The following LRRIQ3 variants were observed in gnomAD, a reference collection of about 807,000 sequenced individuals.
LRRIQ3 encodes leucine-rich repeat and IQ domain-containing protein 3.
LRRIQ3 carries 75 observed loss-of-function variants against 59.3 expected under a neutral mutation model. The observed-to-expected ratio is 1.26, with a 90% CI of 1.05 to 1.53. The LOEUF (loss-of-function observed/expected upper bound fraction) is 1.53. Ranked by LOEUF, LRRIQ3 falls within the 40% of genes most tolerant of loss-of-function variation. LRRIQ3 has a pLI of 0.00. For missense variants in LRRIQ3, 831 were observed against 710.0 expected, an observed-to-expected ratio of 1.17 and a Z score of -1.94; for synonymous variants, 250 against 231.3, an observed-to-expected ratio of 1.08 and a Z score of -0.73.
At chr1:74,187,105 G>A (rs1212945236) in intron 1 of LRRIQ3, among the ~76,000 whole-genome samples, 1 of 152,016 alleles carries the variant, frequency 6.6e-6, no homozygotes, top group Non-Finnish European at 1.5e-5. Flanking sequence ...TAACCACTAT[G>A]GAAAACAGTA....
At chr1:74,082,671 T>C (rs1646286212) in intron 5 of LRRIQ3, 1 of 151,604 alleles carries the variant, frequency 6.6e-6, no homozygotes, top group Non-Finnish European at 1.5e-5. Context: ...TTAGAATTTA[T>C]GTGTTTTAAG....
intron 5 of LRRIQ3, among the ~76,000 whole-genome samples, chr1:74,076,376 A>G (rs976819168): frequency 6.6e-6 from 1 of 152,194 alleles, no homozygotes; most frequent in Non-Finnish European, 1.5e-5. Context: ...CAAAACAACC[A>G]TAAACTGAGC....
Position 74,160,828 on chromosome 1 carries a change from T to C in LRRIQ3, c.574-4962A>G, listed in dbSNP as rs370909351. ...TCTCTCCATGAAACCTATTCTGTAG[T>C]AATGGATCCTGTCACTTGTTCTATC... On this transcript the variant is annotated intron_variant, in intron 3 of 7. Coordinates refer to ENST00000354431, the MANE Select transcript of LRRIQ3 (RefSeq NM_001105659.2). Among the ~76,000 whole-genome samples, 5 of 152,216 alleles carry C rather than the reference T, an allele frequency of 3.3e-5. No homozygotes were observed. The East Asian group carries it at 9.7e-4, about 29-fold the overall frequency.
chr1:74,140,984 C>T (rs1647230529), intron 4 of LRRIQ3, among the ~76,000 whole-genome samples: 3 of 151,754 alleles, frequency 2.0e-5, no homozygotes, highest in Admixed American at 6.6e-5. Flanking sequence ...GACAACCTCA[C>T]CCAATCAGAA....
intron 3 of LRRIQ3, among the ~76,000 whole-genome samples, chr1:74,177,968 CATA>C (rs1432092713): frequency 1.3e-5 from 2 of 151,790 alleles, no homozygotes; most frequent in African/African-American, 2.4e-5. Context: ...TATGTTTTTG[CATA>C]ATACTATTGT....
chr1:74,179,154 T>C (rs1649814852), intron 3 of LRRIQ3, among the ~76,000 whole-genome samples: 1 of 152,096 alleles, frequency 6.6e-6, no homozygotes. Flanking sequence ...AAAAGTTACA[T>C]ATATACAACA....
intron 3 of LRRIQ3, among the ~76,000 whole-genome samples, chr1:74,171,641 T>C (rs1032284553): frequency 6.6e-6 from 1 of 152,182 alleles, no homozygotes; most frequent in African/African-American, 2.4e-5. Flanking sequence ...GGTAGCAGTG[T>C]AATGCTGGAC....
chr1:74,121,570 C>A lies in LRRIQ3; in HGVS notation c.708-12017G>T, dbSNP rs1251276172. On this transcript the variant is annotated intron_variant, in intron 4 of 7. Transcript: ENST00000354431. ...CTTATTAGTAATTTTGGTTACAGAT[C>A]TTCTCATTACTTTTCTGTTTTTTTA... Among the ~76,000 whole-genome samples the A allele has an allele frequency of 5.9e-5, 9 of 151,802 alleles. No homozygotes were observed. The South Asian group carries it at 1.7e-3, about 28-fold the overall frequency.
intron 3 of LRRIQ3, among the ~76,000 whole-genome samples, chr1:74,166,235 A>T (rs1032504474): frequency 6.6e-6 from 1 of 151,618 alleles, no homozygotes; most frequent in Non-Finnish European, 1.5e-5. Context: ...TTTCCTTAAT[A>T]GTTATACAAT....
At position 74,165,362 on chromosome 1, in the gene LRRIQ3, T is replaced by C. The variant is rs1218199261; in HGVS notation, c.574-9496A>G. Among the ~76,000 whole-genome samples, 3 of 151,710 alleles carry C rather than the reference T, an allele frequency of 2.0e-5. No individual in the cohort carries two copies. The East Asian group carries it at 5.8e-4, about 29-fold the overall frequency. ...AGTATTTCATTTCTTTGAATGATGA[T>C]AAATTGTATTTCAAATTTTGGCTTC... is the stretch of plus-strand genomic sequence containing the variant. On this transcript the variant is annotated intron_variant, in intron 3 of 7. Coordinates refer to ENST00000354431, the MANE Select transcript of LRRIQ3 (RefSeq NM_001105659.2).
chr1:74,048,429 TTATTAATGTAACAGA>T (rs1654267279), intron 6 of LRRIQ3, among the ~76,000 whole-genome samples: 1 of 152,166 alleles, frequency 6.6e-6, no homozygotes, highest in South Asian at 2.1e-4. Flanking sequence ...TTTCATTGTG[TTATTAATGTAACAGA>T]TAACAATTTC....
intron 4 of LRRIQ3, among the ~76,000 whole-genome samples, chr1:74,130,085 C>G (rs1023970770): frequency 1.3e-5 from 2 of 151,980 alleles, no homozygotes; most frequent in African/African-American, 2.4e-5. Context: ...TGCAAACCCT[C>G]CCTTGGCTGC....
At chr1:74,043,181 T>A (rs1297238921) in intron 6 of LRRIQ3, among the ~76,000 whole-genome samples, 1 of 152,132 alleles carries the variant, frequency 6.6e-6, no homozygotes, top group Non-Finnish European at 1.5e-5. Context: ...AATACAAGTA[T>A]AAAAGTTATG....
intron 6 of LRRIQ3, among the ~76,000 whole-genome samples, chr1:74,061,120 C>T (rs1654710440): frequency 6.6e-6 from 1 of 152,076 alleles, no homozygotes; most frequent in South Asian, 2.1e-4. Context: ...AAAGTAATAA[C>T]ATCCTCATAC....
intron 4 of LRRIQ3, among the ~76,000 whole-genome samples, chr1:74,131,913 A>G (rs1167774670): frequency 6.6e-6 from 1 of 152,116 alleles, no homozygotes; most frequent in East Asian, 1.9e-4. Flanking sequence ...AGGGTATTCA[A>G]TTAGGAAAAG....
intron 1 of LRRIQ3, among the ~76,000 whole-genome samples, chr1:74,184,665 TTCATGGGCCCCATCTCATA>T (rs1445032229): frequency 6.6e-6 from 1 of 152,128 alleles, no homozygotes; most frequent in Non-Finnish European, 1.5e-5. Flanking sequence ...AGAAGGCAGA[TTCATGGGCCCCATCTCATA>T]TCTACTGTAT....
intron 1 of LRRIQ3, among the ~76,000 whole-genome samples, chr1:74,187,409 AG>A (rs1441693602): frequency 6.6e-6 from 1 of 151,964 alleles, no homozygotes; most frequent in Non-Finnish European, 1.5e-5. Flanking sequence ...AGCCACAAAA[AG>A]GAACAAAACA....
intron 5 of LRRIQ3, among the ~76,000 whole-genome samples, chr1:74,090,482 G>A (rs953387581): frequency 6.6e-6 from 1 of 152,034 alleles, no homozygotes; most frequent in Non-Finnish European, 1.5e-5. Context: ...AAAGAAGACT[G>A]TACCAGAAAT....
intron 6 of LRRIQ3, among the ~76,000 whole-genome samples, chr1:74,068,948 T>C (rs1654943474): frequency 6.6e-6 from 1 of 152,046 alleles, no homozygotes; most frequent in Non-Finnish European, 1.5e-5. Context: ...TGTGTTTCAG[T>C]GGAAACCATA....
Sources: allele counts gnomAD v4.1 joint callset (sites outside exome capture counted in the v4.1 genomes callset), GRCh38; gene constraint gnomAD v4.1.1; transcripts MANE v1.5; gene names NCBI Gene and HGNC (gene_info 2026-07-23, HGNC 2026-07-21).